CLVS1: variants seen among roughly 807,000 people sequenced by gnomAD.
CLVS1 encodes clavesin-1.
In CLVS1, 10 loss-of-function variants were observed where a neutral mutation model predicts 33.1. The ratio of observed to expected loss-of-function variants is 0.30; its 90% CI spans 0.19 to 0.51. The LOEUF is 0.51. CLVS1 is among the 20% of genes least tolerant of loss of function. The pLI is 0.97. For missense variants in CLVS1, 343 were observed against 433.4 expected, an observed-to-expected ratio of 0.79 and a Z score of 1.85; for synonymous variants, 163 against 166.1, an observed-to-expected ratio of 0.98 and a Z score of 0.14.
chr8:61,146,902 A>G (rs1195899374), intron 2 of CLVS1, among the ~76,000 whole-genome samples: 6 of 152,222 alleles, frequency 3.9e-5, no homozygotes, highest in Admixed American at 6.5e-5. Flanking sequence ...TATCATCAGC[A>G]TGGTGGTGGG....
chr8:61,285,539 G>C (rs1027182337), upstream of CLVS1, among the ~76,000 whole-genome samples: 3 of 152,178 alleles, frequency 2.0e-5, no homozygotes, highest in Non-Finnish European at 4.4e-5. Flanking sequence ...TCAATGACAA[G>C]GGTGAAGGCC....
chr8:61,033,873 G>T, the CLVS1 span, among the ~76,000 whole-genome samples: 3 of 152,224 alleles, frequency 2.0e-5, no homozygotes, highest in East Asian at 1.9e-4. Context: ...AAGAGAGACT[G>T]ATGTTTAAAC....
the CLVS1 span, among the ~76,000 whole-genome samples, chr8:61,018,589 T>TAAA: frequency 6.6e-6 from 1 of 152,226 alleles, no homozygotes; most frequent in African/African-American, 2.4e-5. Flanking sequence ...GATTAATGTA[T>TAAA]AAACTGCTGA....
chr8:61,101,405 T>C, intron 1 of CLVS1, among the ~76,000 whole-genome samples: 1 of 152,194 alleles, frequency 6.6e-6, no homozygotes, highest in Middle Eastern at 3.2e-3. Flanking sequence ...TTACATGTGT[T>C]TGTATATCTT....
rs373015221 is a variant in CLVS1, at chr8:61,499,379, C to A, written c.978-76C>A. The A allele has an allele frequency of 2.3e-4, 217 of 953,676 alleles. 2 individuals carry two copies. The South Asian group carries it at 2.7e-3, about 12-fold the overall frequency. The allele number at this position is 953,676 out of a possible 1,614,324, so 59.1% of individuals were successfully genotyped here. A position where few individuals can be genotyped will look rare whatever the true frequency, so the allele number is the denominator to read the frequency against. On this transcript the variant is annotated intron_variant, in intron 5 of 5. Transcript: ENST00000325897. ...CTATTAAAAAGAGAAATATAAAATC[C>A]GGATGTCTTCAAAGGTTCCAAAATT...
chr8:61,428,666 G>T (rs1352771482), intron 3 of CLVS1, among the ~76,000 whole-genome samples: 1 of 152,210 alleles, frequency 6.6e-6, no homozygotes, highest in Non-Finnish European at 1.5e-5. Context: ...ATGTTATCCT[G>T]CAGAGAAATA....
intron 2 of CLVS1, among the ~76,000 whole-genome samples, chr8:61,267,535 A>G (rs181557313): frequency 8.5e-5 from 13 of 152,310 alleles, no homozygotes; most frequent in Admixed American, 7.8e-4. Context: ...TTAGCCAACT[A>G]TAATTTTATA....
intron 1 of CLVS1, among the ~76,000 whole-genome samples, chr8:61,115,532 C>T (rs1231427938): frequency 2.6e-5 from 4 of 151,858 alleles, no homozygotes; most frequent in African/African-American, 2.4e-5. Context: ...CCCACTCCCC[C>T]GACCCCACAA....
At chr8:61,062,498 A>C (rs900896749) in intron 1 of CLVS1, among the ~76,000 whole-genome samples, 1 of 152,200 alleles carries the variant, frequency 6.6e-6, no homozygotes, top group Non-Finnish European at 1.5e-5. Flanking sequence ...TCCTTAAAAT[A>C]GGAAGATCCT....
intron 1 of CLVS1, among the ~76,000 whole-genome samples, chr8:61,126,761 C>T (rs957058922): frequency 1.3e-5 from 2 of 152,208 alleles, no homozygotes; most frequent in African/African-American, 4.8e-5. Flanking sequence ...TCTCATTTCT[C>T]AGCTCAGCTT....
chr8:61,174,953 CGG>C (rs2129299237), intron 2 of CLVS1, among the ~76,000 whole-genome samples: 1 of 93,644 alleles, frequency 1.1e-5, no homozygotes, highest in East Asian at 2.5e-4. Flanking sequence ...AACCTAAGAG[CGG>C]AGACCTAGGA....
At chr8:61,204,928 TGTTGTTTAAGCCATTA>T (rs1321722967) in intron 2 of CLVS1, among the ~76,000 whole-genome samples, 1 of 152,246 alleles carries the variant, frequency 6.6e-6, no homozygotes, top group African/African-American at 2.4e-5. Flanking sequence ...TTTCAAAATC[TGTTGTTTAAGCCATTA>T]GAAATGGTTG....
At chr8:61,040,570 G>C in the CLVS1 span, among the ~76,000 whole-genome samples, 1 of 152,108 alleles carries the variant, frequency 6.6e-6, no homozygotes, top group Non-Finnish European at 1.5e-5. Flanking sequence ...GCTTTGATTT[G>C]CATTTCTCTG....
chr8:61,341,867 T>G (rs1812039932), intron 2 of CLVS1, among the ~76,000 whole-genome samples: 2 of 152,218 alleles, frequency 1.3e-5, no homozygotes, highest in South Asian at 4.1e-4. Context: ...ACAGCTGCTG[T>G]CTTCATTTTG....
chr8:61,048,642 T>C, the CLVS1 span, among the ~76,000 whole-genome samples: 4 of 152,104 alleles, frequency 2.6e-5, no homozygotes, highest in East Asian at 3.9e-4. Context: ...CCAACTGATA[T>C]AGAGGTATAG....
chr8:61,218,430 T>G (rs1808137411), intron 2 of CLVS1, among the ~76,000 whole-genome samples: 1 of 151,998 alleles, frequency 6.6e-6, no homozygotes, highest in Non-Finnish European at 1.5e-5. Context: ...TGTTCTCACT[T>G]ATACGTGGAA....
chr8:61,258,476 A>G (rs1225710060), intron 2 of CLVS1, among the ~76,000 whole-genome samples: 1 of 152,228 alleles, frequency 6.6e-6, no homozygotes, highest in Non-Finnish European at 1.5e-5. Context: ...TTTCTGAATC[A>G]GGCTTGAGTC....
intron 2 of CLVS1, among the ~76,000 whole-genome samples, chr8:61,273,520 C>A (rs1197415397): frequency 6.6e-6 from 1 of 150,586 alleles, no homozygotes; most frequent in Non-Finnish European, 1.5e-5. Context: ...GGGCTCCGCC[C>A]AGTTGGAGCT....
chr8:61,202,418 T>C (rs1285985539), intron 2 of CLVS1: 1 of 771,990 alleles, frequency 1.3e-6, no homozygotes. Flanking sequence ...GGTTGTGAAC[T>C]AAAGGCTGAC....
Sources: allele counts gnomAD v4.1 joint callset (sites outside exome capture counted in the v4.1 genomes callset), GRCh38; gene constraint gnomAD v4.1.1; transcripts MANE v1.5; gene names NCBI Gene and HGNC (gene_info 2026-07-23, HGNC 2026-07-21).